Variants in NKX1-1 observed in about 807,000 individuals in gnomAD.
NKX1-1 encodes the protein NK1 transcription factor-related protein 1.
NKX1-1 carries 7 observed loss-of-function variants against 1.7 expected under a neutral mutation model. That is an observed-to-expected ratio of 4.22 (90% CI 2.40 to 7.92). NKX1-1 has a LOEUF of 7.92. NKX1-1 is among the 30% of genes most tolerant of loss of function. The probability of loss-of-function intolerance (pLI) is 0.00; values close to 1 mark genes in which losing one functional copy is unlikely to be tolerated. For synonymous variants in NKX1-1, 242 were observed against 85.3 expected (o/e 2.84, Z -10.13); for missense variants, 453 against 171.5 (o/e 2.64, Z -9.17).
rs775502070 is a variant in NKX1-1, at chr4:1,403,313, C to G, written c.966G>C (p.Ser322=). The G allele has an allele frequency of 4.2e-6, 3 of 710,586 alleles. No homozygotes were observed. In the African/African-American group the frequency reaches 5.5e-5, roughly 13 times the overall value. 44.0% of individuals were successfully genotyped at this position (710,586 alleles called of 1,614,324 possible). The change falls in exon 2 of 2, where the codon TCG becomes TCC. Residue 322 remains serine, a synonymous_variant. Coordinates refer to ENST00000422806, the MANE Select transcript of NKX1-1 (RefSeq NM_001290079.1). ...GCGCCAGGTTGAGGCGCTCGCACAC[C>G]GACAGGTAGCGCGTGGCCTTGAACT... The part of the protein sequence containing the change: ...ENKFKATRYL[S]VCERLNLALS...
Position 1,406,223 on chromosome 4 carries a change from C to T in NKX1-1, c.220G>A (p.Ala74Thr), listed in dbSNP as rs1228442863. Residue 74 changes from alanine to threonine, a missense_variant, in exon 1 of 2, where the codon GCA (alanine) becomes ACA (threonine). Transcript: ENST00000422806. The stretch of plus-strand genomic sequence containing the variant: ...AAGGAGGTGGGGCGCAGGGGCGCTG[C>T]GGGCCGGGCCGCTCCAGCCCCCTCG... The part of the protein sequence containing the change: ...APEGAGAARP[A>T]APLRPTSFSV... 2 of 537,330 alleles carry T rather than the reference C, an allele frequency of 3.7e-6. No individual in the cohort carries two copies. Among genetic ancestry groups the T allele is most frequent in the South Asian group, 2.3e-5 (1 of 44,436 alleles). The allele number at this position is 537,330 out of a possible 1,614,324, so 33.3% of individuals were successfully genotyped here. A position where few individuals can be genotyped will look rare whatever the true frequency, so the allele number is the denominator to read the frequency against.
rs750679357 is a variant in NKX1-1, at chr4:1,403,464, G to A, written c.815C>T (p.Thr272Ile). 7.4e-5 allele frequency: 45 copies of A among 605,396 alleles called. No individual in the cohort carries two copies. The South Asian group carries it at 7.8e-4, about 11-fold the overall frequency. The allele number at this position is 605,396 out of a possible 1,614,324, so 37.5% of individuals were successfully genotyped here. The change falls in exon 2 of 2, where the codon ACC becomes ATC. Residue 272 changes from threonine (T) to isoleucine (I), a missense_variant. By Grantham distance (89) the Thr-to-Ile change is moderately conservative. Transcript: ENST00000422806. ...GAAAPGGAGT[T>I]PQGTATAAKP... ...CGCCGCCGTCGCCGTGCCCTGCGGGGTGGTCCCCGCGCCCCCCGGCGCCGC... is the reference window on the plus strand; with the variant it reads ...CGCCGCCGTCGCCGTGCCCTGCGGGATGGTCCCCGCGCCCCCCGGCGCCGC...
Position 1,406,045 on chromosome 4 carries a change from T to A in NKX1-1, c.398A>T (p.Glu133Val), listed in dbSNP as rs1720745228. 2.0e-6 allele frequency: 1 copy of A among 490,750 alleles called. No homozygotes were observed. The highest frequency in any genetic ancestry group is 4.3e-5 in the Admixed American group (1 of 23,436). 30.4% of individuals were successfully genotyped at this position (490,750 alleles called of 1,614,324 possible). A position where few individuals can be genotyped will look rare whatever the true frequency, so the allele number is the denominator to read the frequency against. ...PAASGRPPRA[E>V]ELERRALAGA... Reference sequence around the variant, plus strand: ...GGCGAGGGCGCGGCGCTCCAGCTCCTCCGCGCGTGGCGGGCGTCCCGAGGC... The same window carrying A: ...GGCGAGGGCGCGGCGCTCCAGCTCCACCGCGCGTGGCGGGCGTCCCGAGGC... The change falls in exon 1 of 2, where the codon GAG becomes GTG. Residue 133 changes from glutamate (E) to valine (V), a missense_variant. Glu to Val is a moderately radical substitution (Grantham distance 121, BLOSUM62 -2). Transcript: ENST00000422806.
rs530192076 is a variant in NKX1-1 at position 1,403,349 on chromosome 4, C to T, written c.930G>A (p.Ala310=). 1.5e-4 allele frequency: 112 copies of T among 732,922 alleles called. No homozygotes were observed. Among genetic ancestry groups the T allele is most frequent in the African/African-American group, 1.3e-3 (72 of 54,734 alleles). 45.4% of individuals were successfully genotyped at this position (732,922 alleles called of 1,614,324 possible). A position where few individuals can be genotyped will look rare whatever the true frequency, so the allele number is the denominator to read the frequency against. The change falls in exon 2 of 2, where the codon GCG becomes GCA. Residue 310 remains alanine, a synonymous_variant. Coordinates refer to ENST00000422806, the MANE Select transcript of NKX1-1 (RefSeq NM_001290079.1). ...GCGTGGCCTTGAACTTGTTCTCCAG[C>T]GCCACGAGCTGCTCGTAGGTGAAGG... is the stretch of plus-strand genomic sequence containing the variant. The part of the protein sequence containing the change: ...RTAFTYEQLV[A]LENKFKATRY...
intron 1 of NKX1-1, among the ~76,000 whole-genome samples, chr4:1,405,211 T>A (rs1007528850): frequency 2.0e-5 from 3 of 152,192 alleles, no homozygotes; most frequent in East Asian, 3.9e-4. Flanking sequence ...CGCGCTGTCC[T>A]CCCTGTGCTT....
chr4:1,405,897 G>A (rs1195511871), intron 1 of NKX1-1, 83 bp downstream of exon 1: 2 of 408,200 alleles, frequency 4.9e-6, no homozygotes, highest in Non-Finnish European at 8.6e-6. Flanking sequence ...GACCCAACTC[G>A]CCACGGTGTC....
chr4:1,404,338 G>A (rs1462048633), intron 1 of NKX1-1, among the ~76,000 whole-genome samples: 1 of 152,238 alleles, frequency 6.6e-6, no homozygotes, highest in African/African-American at 2.4e-5. Flanking sequence ...CCGGCGGTGG[G>A]GCCGGAGCCG....
chr4:1,403,748 G>T lies in NKX1-1; in HGVS notation c.531C>A (p.Gly177=), dbSNP rs755077029. 1 of 683,046 alleles carries T rather than the reference G, an allele frequency of 1.5e-6. No homozygotes were observed. Among genetic ancestry groups the T allele is most frequent in the Non-Finnish European group, 2.7e-6 (1 of 377,244 alleles). 42.3% of individuals were successfully genotyped at this position (683,046 alleles called of 1,614,324 possible). A position where few individuals can be genotyped will look rare whatever the true frequency, so the allele number is the denominator to read the frequency against. The change falls in exon 2 of 2, where the codon GGC becomes GGA. Residue 177 remains glycine, a synonymous_variant. Coordinates refer to ENST00000422806, the MANE Select transcript of NKX1-1 (RefSeq NM_001290079.1). The part of the protein sequence containing the change: ...TNDTNGYSSG[G]GGHSPSADSG... ...TGTCCGCGCTCGGGCTGTGGCCGCC[G>T]CCGCCGCTGCTGTAGCCGTTGGTGT...
Position 1,406,245 on chromosome 4 carries a change from C to G in NKX1-1, c.198G>C (p.Glu66Asp). ...CTGCGGGCCGGGCCGCTCCAGCCCC[C>G]TCGGGCGCCGCAGGCACAGTGTCGC... ...AASDTVPAAP[E>D]GAGAARPAAP... The change falls in exon 1 of 2, where the codon GAG becomes GAC. Residue 66 changes from glutamate to aspartate, a missense_variant. Coordinates refer to ENST00000422806, the MANE Select transcript of NKX1-1 (RefSeq NM_001290079.1). The G allele has an allele frequency of 2.1e-6, 1 of 481,626 alleles. No individual in the cohort carries two copies. Among genetic ancestry groups the G allele is most frequent in the Non-Finnish European group, 3.6e-6 (1 of 276,212 alleles). The allele number at this position is 481,626 out of a possible 1,614,324, so 29.8% of individuals were successfully genotyped here. A position where few individuals can be genotyped will look rare whatever the true frequency, so the allele number is the denominator to read the frequency against.
At position 1,403,240 on chromosome 4, in the gene NKX1-1, G is replaced by T. The variant is rs1720688469; in HGVS notation, c.1039C>A (p.Arg347Ser). ...ETQVKIWFQN[R>S]RTKWKKQNPG... ...TTCTGCTTCTTCCACTTGGTTCGGC[G>T]GTTCTGGAACCAGATCTTCACCTGC... The change falls in exon 2 of 2, where the codon CGC (arginine) becomes AGC (serine). Residue 347 changes from arginine (R) to serine (S), a missense_variant. Coordinates refer to ENST00000422806, the MANE Select transcript of NKX1-1 (RefSeq NM_001290079.1). The T allele has an allele frequency of 1.4e-6, 1 of 735,258 alleles. No individual in the cohort carries two copies. Among genetic ancestry groups the T allele is most frequent in the Non-Finnish European group, 2.5e-6 (1 of 397,392 alleles). The allele number at this position is 735,258 out of a possible 1,614,324, so 45.5% of individuals were successfully genotyped here.
Position 1,406,187 on chromosome 4 carries a change from C to A in NKX1-1, c.256G>T (p.Asp86Tyr). ...PLRPTSFSVL[D>Y]ILDPNKFNSR... ...TTGAACTTGTTGGGGTCCAGGATGT[C>A]CAGTACCGAGAAGGAGGTGGGGCGC... The change falls in exon 1 of 2, where the codon GAC becomes TAC. Residue 86 changes from aspartate to tyrosine, a missense_variant. Asp to Tyr is a radical substitution (Grantham distance 160, BLOSUM62 -3). Coordinates refer to ENST00000422806, the MANE Select transcript of NKX1-1 (RefSeq NM_001290079.1). 1.7e-6 allele frequency: 1 copy of A among 601,964 alleles called. No homozygotes were observed. Among genetic ancestry groups the A allele is most frequent in the East Asian group, 3.5e-5 (1 of 28,592 alleles). The allele number at this position is 601,964 out of a possible 1,614,324, so 37.3% of individuals were successfully genotyped here. A position where few individuals can be genotyped will look rare whatever the true frequency, so the allele number is the denominator to read the frequency against.
At position 1,403,284 on chromosome 4, in the gene NKX1-1, G is replaced by A. The variant is rs778226487; in HGVS notation, c.995C>T (p.Ser332Leu). The change falls in exon 2 of 2, where the codon TCG (serine) becomes TTG (leucine). Residue 332 changes from serine (S) to leucine (L), a missense_variant. Transcript: ENST00000422806. The stretch of plus-strand genomic sequence containing the variant: ...CACCTGCGTCTCGGTGAGGCTGAGC[G>A]ACAGCGCCAGGTTGAGGCGCTCGCA... ...SVCERLNLAL[S>L]LSLTETQVKI... is the part of the protein sequence containing the mutation. 5 of 723,558 alleles carry A rather than the reference G, an allele frequency of 6.9e-6. No individual in the cohort carries two copies. Among genetic ancestry groups the A allele is most frequent in the Non-Finnish European group, 1.3e-5 (5 of 391,528 alleles). The allele number at this position is 723,558 out of a possible 1,614,324, so 44.8% of individuals were successfully genotyped here. A position where few individuals can be genotyped will look rare whatever the true frequency, so the allele number is the denominator to read the frequency against.
chr4:1,405,996 G>A lies in NKX1-1; in HGVS notation c.447C>T (p.Ala149=), dbSNP rs1040744497. ...CCTACTCACTCGGCGGCTCAGCTCC[G>A]GCGGCTCCGACTCCCCCGGCGCCGG... The part of the protein sequence containing the change: ...ALAGAGGVGA[A]GAEPPNAGDP... The change falls in exon 1 of 2, where the codon GCC becomes GCT. Residue 149 remains alanine (A), a synonymous_variant. Coordinates refer to ENST00000422806, the MANE Select transcript of NKX1-1 (RefSeq NM_001290079.1). 2 of 473,508 alleles carry A rather than the reference G, an allele frequency of 4.2e-6. No homozygotes were observed. Among genetic ancestry groups the A allele is most frequent in the Non-Finnish European group, 7.3e-6 (2 of 274,014 alleles). The allele number at this position is 473,508 out of a possible 1,614,324, so 29.3% of individuals were successfully genotyped here. A position where few individuals can be genotyped will look rare whatever the true frequency, so the allele number is the denominator to read the frequency against.
chr4:1,404,242 A>C (rs922185150), intron 1 of NKX1-1, among the ~76,000 whole-genome samples: 1 of 152,256 alleles, frequency 6.6e-6, no homozygotes, highest in Non-Finnish European at 1.5e-5. Context: ...AAACTAGTTA[A>C]GGCCATTTAA....
chr4:1,403,561 T>C lies in NKX1-1; in HGVS notation c.718A>G (p.Thr240Ala). ...CCGGGGGCCGCTGCCTCGTCGACGG[T>C]GGCTCCGGGGGACGCGTCGGTCTCA... ...AAETDASPGA[T>A]VDEAAAPGPR... The change falls in exon 2 of 2, where the codon ACC becomes GCC. Residue 240 changes from threonine (T) to alanine (A), a missense_variant. Physicochemically the swap from Thr to Ala is moderately conservative, Grantham distance 58 (BLOSUM62 0). Transcript: ENST00000422806. The C allele has an allele frequency of 2.2e-6, 1 of 452,520 alleles. No homozygotes were observed. Among genetic ancestry groups the C allele is most frequent in the South Asian group, 4.8e-5 (1 of 20,814 alleles). The allele number at this position is 452,520 out of a possible 1,614,324, so 28.0% of individuals were successfully genotyped here. A position where few individuals can be genotyped will look rare whatever the true frequency, so the allele number is the denominator to read the frequency against.
chr4:1,403,418 C>T lies in NKX1-1; in HGVS notation c.861G>A (p.Thr287=). ...ATAAKPKRKR[T]GSDSKSGKPR... ...GCTTCCCGGACTTGGAGTCGGACCC[C>T]GTGCGCTTCCGCTTGGGCTTCGCCG... Residue 287 remains threonine (T), a synonymous_variant, in exon 2 of 2, where the codon ACG becomes ACA. Transcript: ENST00000422806. The T allele has an allele frequency of 1.5e-6, 1 of 651,664 alleles. No homozygotes were observed. The highest frequency in any genetic ancestry group is 2.8e-6 in the Non-Finnish European group (1 of 360,780). 40.4% of individuals were successfully genotyped at this position (651,664 alleles called of 1,614,324 possible). A position where few individuals can be genotyped will look rare whatever the true frequency, so the allele number is the denominator to read the frequency against.
In NKX1-1 at chr4:1,403,697, C is replaced by A; in HGVS notation, c.582G>T (p.Glu194Asp). 1.5e-6 allele frequency: 1 copy of A among 686,276 alleles called. No individual in the cohort carries two copies. Among genetic ancestry groups the A allele is most frequent in the Non-Finnish European group, 2.6e-6 (1 of 381,774 alleles). The allele number at this position is 686,276 out of a possible 1,614,324, so 42.5% of individuals were successfully genotyped here. Reference sequence around the variant, plus strand: ...CGGGCGCTTCGTCCTCGTCGTCGTCCTCGTCGTCGGGAACCTCGTCCCCGC... The same window carrying A: ...CGGGCGCTTCGTCCTCGTCGTCGTCATCGTCGTCGGGAACCTCGTCCCCGC... The part of the protein sequence containing the change: ...ADSGDEVPDD[E>D]DDDEDEAPET... Residue 194 changes from glutamate to aspartate, a missense_variant, in exon 2 of 2, where the codon GAG (glutamate) becomes GAT (aspartate). Transcript: ENST00000422806.
chr4:1,403,383 G>T lies in NKX1-1; in HGVS notation c.896C>A (p.Ala299Glu). 2 of 687,588 alleles carry T rather than the reference G, an allele frequency of 2.9e-6. No individual in the cohort carries two copies. The allele number at this position is 687,588 out of a possible 1,614,324, so 42.6% of individuals were successfully genotyped here. The change falls in exon 2 of 2, where the codon GCG becomes GAG. Residue 299 changes from alanine (A) to glutamate (E), a missense_variant. Coordinates refer to ENST00000422806, the MANE Select transcript of NKX1-1 (RefSeq NM_001290079.1). The stretch of plus-strand genomic sequence containing the variant: ...CTGCTCGTAGGTGAAGGCGGTGCGC[G>T]CTCGCCGCGGCTTCCCGGACTTGGA... ...SDSKSGKPRR[A>E]RTAFTYEQLV...
At chr4:1,404,476 C>A (rs1199164924) in intron 1 of NKX1-1, among the ~76,000 whole-genome samples, 5 of 152,340 alleles carry the variant, frequency 3.3e-5, no homozygotes, top group Non-Finnish European at 5.9e-5. Flanking sequence ...TCGGCCCCTG[C>A]GCAGAGTTGC....
Sources: allele counts gnomAD v4.1 joint callset (sites outside exome capture counted in the v4.1 genomes callset), GRCh38; gene constraint gnomAD v4.1.1; transcripts MANE v1.5; gene names NCBI Gene and HGNC (gene_info 2026-07-23, HGNC 2026-07-21).